Variants in MAPK10 observed in about 807,000 individuals in gnomAD.
MAPK10 encodes the protein mitogen-activated protein kinase 10, also known as JNK3 alpha protein kinase.
Under a neutral mutation model 59.3 loss-of-function variants are expected in MAPK10, and 25 were observed. The ratio of observed to expected loss-of-function variants is 0.42; its 90% CI spans 0.31 to 0.59. The LOEUF (loss-of-function observed/expected upper bound fraction) is 0.59, where lower values mean the gene tolerates loss of function less well. Ranked by LOEUF, MAPK10 falls within the 20% of genes least tolerant of loss-of-function variation. MAPK10 has a pLI of 0.15. For missense variants in MAPK10, 351 were observed against 568.9 expected (o/e 0.62, Z 3.90); for synonymous variants, 190 against 200.5 (o/e 0.95, Z 0.44).
At chr4:86,254,633 GA>G (rs1229750823) in intron 2 of MAPK10, among the ~76,000 whole-genome samples, 1 of 141,008 alleles carries the variant, frequency 7.1e-6, no homozygotes, top group Non-Finnish European at 1.5e-5. Flanking sequence ...GTGTGGTGCT[GA>G]AAAAAATGTA....
chr4:86,112,510 G>T (rs116175841), intron 4 of MAPK10, among the ~76,000 whole-genome samples: 1,536 of 152,168 alleles, frequency 0.01, 28 homozygotes, highest in African/African-American at 0.035. Context: ...CACCTTTCTC[G>T]TAGTTGTGTG....
chr4:86,398,788 C>T (rs1332381405), intron 1 of MAPK10, among the ~76,000 whole-genome samples: 1 of 152,130 alleles, frequency 6.6e-6, no homozygotes, highest in Non-Finnish European at 1.5e-5. Context: ...TCCCCAGTGT[C>T]TATTGCTACC....
chr4:86,266,743 C>A (rs1449978487), intron 2 of MAPK10, among the ~76,000 whole-genome samples: 1 of 152,042 alleles, frequency 6.6e-6, no homozygotes, highest in African/African-American at 2.4e-5. Context: ...CTCTGAAATT[C>A]AGTTAATCCT....
In MAPK10 at chr4:86,447,546, T is replaced by A. The variant is rs556586897; in HGVS notation, c.-122+5484A>T. ...CTTATTTTCTTTAATAGAGTATATG[T>A]ACATGGCACAAAATTCAAAATACAC... On this transcript the variant is annotated intron_variant, in intron 1 of 13. Coordinates refer to the MAPK10 transcript ENST00000361569. 6.6e-5 allele frequency among the ~76,000 whole-genome samples: 10 copies of A among 152,312 alleles called. 1 individual carries two copies. In the East Asian group the frequency reaches 1.9e-3, roughly 29 times the overall value.
intron 1 of MAPK10, among the ~76,000 whole-genome samples, chr4:86,427,140 CCAGCTACT>C (rs1433240147): frequency 1.3e-5 from 2 of 151,540 alleles, no homozygotes; most frequent in African/African-American, 4.9e-5. Flanking sequence ...GCCTGTAATT[CCAGCTACT>C]CAGGAGGCTG....
chr4:86,103,518 AGTGTGATTCCTC>A (rs2055948742), intron 5 of MAPK10, among the ~76,000 whole-genome samples: 3 of 152,108 alleles, frequency 2.0e-5, no homozygotes, highest in Admixed American at 6.6e-5. Flanking sequence ...ACTGCTTTCA[AGTGTGATTCCTC>A]GTGGCAGAAT....
At chr4:86,497,531 A>G (rs1324546076) in intron 1 of MAPK10, among the ~76,000 whole-genome samples, 1 of 152,190 alleles carries the variant, frequency 6.6e-6, no homozygotes, top group African/African-American at 2.4e-5. Context: ...TTTCATGGCA[A>G]TAACAAATGT....
Position 86,063,143 on chromosome 4 carries a change from C to G in MAPK10, c.1110+1123G>C, listed in dbSNP as rs1253227064. Reference sequence around the variant, plus strand: ...GATTGGGTTACATTATGAAAAGGACCTGTTTAATATTGTGTCTGTAAAGTT... The same window carrying G: ...GATTGGGTTACATTATGAAAAGGACGTGTTTAATATTGTGTCTGTAAAGTT... On this transcript the variant is annotated intron_variant, in intron 11 of 13. Transcript: ENST00000641462. 2.0e-5 allele frequency among the ~76,000 whole-genome samples: 3 copies of G among 152,208 alleles called. No homozygotes were observed. In the East Asian group the frequency reaches 5.8e-4, roughly 29 times the overall value.
chr4:86,451,002 A>G (rs1164021108), intron 1 of MAPK10, among the ~76,000 whole-genome samples: 2 of 152,346 alleles, frequency 1.3e-5, no homozygotes, highest in South Asian at 2.1e-4. Flanking sequence ...GAAAGGGAGC[A>G]TATTCAAAGT....
intron 1 of MAPK10, among the ~76,000 whole-genome samples, chr4:86,435,707 T>A (rs1475139578): frequency 6.6e-6 from 1 of 152,194 alleles, no homozygotes; most frequent in African/African-American, 2.4e-5. Context: ...GCTCTGGCTG[T>A]TAGGTCAGCT....
intron 1 of MAPK10, among the ~76,000 whole-genome samples, chr4:86,542,177 AGCCC>A (rs1394003362): frequency 2.0e-5 from 3 of 152,180 alleles, no homozygotes; most frequent in African/African-American, 7.2e-5. Context: ...AACATTAAGA[AGCCC>A]AATTACATTA....
At chr4:86,440,056 A>C (rs1010355915) in intron 1 of MAPK10, among the ~76,000 whole-genome samples, 3 of 152,204 alleles carry the variant, frequency 2.0e-5, no homozygotes, top group African/African-American at 7.2e-5. Flanking sequence ...ATAGTTTTGC[A>C]AAAATAAATA....
intron 1 of MAPK10, among the ~76,000 whole-genome samples, chr4:86,586,622 C>A (rs749507788): frequency 6.6e-6 from 1 of 152,138 alleles, no homozygotes; most frequent in East Asian, 1.9e-4. Flanking sequence ...CAGTTTAACT[C>A]ATTAATAACT....
intron 1 of MAPK10, among the ~76,000 whole-genome samples, chr4:86,447,511 T>C (rs1750182594): frequency 6.6e-6 from 1 of 152,226 alleles, no homozygotes; most frequent in Admixed American, 6.5e-5. Context: ...GTTTTGTTAT[T>C]GTTATTTAAC....
At chr4:86,486,156 G>A (rs376235320) in intron 1 of MAPK10, among the ~76,000 whole-genome samples, 2 of 152,164 alleles carry the variant, frequency 1.3e-5, no homozygotes, top group African/African-American at 4.8e-5. Context: ...GGGTGTGGTG[G>A]TGCCCACCTG....
At chr4:86,355,979 G>A (rs1734259163) in intron 1 of MAPK10, among the ~76,000 whole-genome samples, 1 of 152,194 alleles carries the variant, frequency 6.6e-6, no homozygotes, top group African/African-American at 2.4e-5. Flanking sequence ...TTTCTATGAA[G>A]ACAAGTCACT....
intron 2 of MAPK10, among the ~76,000 whole-genome samples, chr4:86,234,708 A>T (rs988542125): frequency 2.6e-5 from 4 of 152,122 alleles, no homozygotes; most frequent in Non-Finnish European, 4.4e-5. Context: ...TTTCTTATTA[A>T]TATGGATTTT....
At chr4:86,316,786 A>G (rs559280053) in intron 2 of MAPK10, among the ~76,000 whole-genome samples, 5 of 152,284 alleles carry the variant, frequency 3.3e-5, no homozygotes, top group African/African-American at 1.2e-4. Context: ...ATGCATGAGG[A>G]AGCTGAGCTG....
At chr4:86,216,113 C>T (rs2087486815) in intron 2 of MAPK10, among the ~76,000 whole-genome samples, 1 of 151,842 alleles carries the variant, frequency 6.6e-6, no homozygotes, top group African/African-American at 2.4e-5. Flanking sequence ...AATCCCATGC[C>T]TGGTTATATG....
Sources: allele counts gnomAD v4.1 joint callset (sites outside exome capture counted in the v4.1 genomes callset), GRCh38; gene constraint gnomAD v4.1.1; transcripts MANE v1.5; gene names NCBI Gene and HGNC (gene_info 2026-07-23, HGNC 2026-07-21).